The following RABEP1 variants were observed in gnomAD, a reference collection of about 807,000 sequenced individuals.
The protein encoded by RABEP1 is rab GTPase-binding effector protein 1.
A neutral mutation model predicts 123.4 loss-of-function variants in RABEP1; 51 were observed. That is an observed-to-expected ratio of 0.41 (90% CI 0.33 to 0.52). The LOEUF is 0.52. RABEP1 is among the 20% of genes least tolerant of loss of function. RABEP1 has a pLI of 0.16. For missense variants in RABEP1, 888 were observed against 996.3 expected, an observed-to-expected ratio of 0.89 and a Z score of 1.46; for synonymous variants, 347 against 355.2, an observed-to-expected ratio of 0.98 and a Z score of 0.26.
chr17:5,284,978 A>T (rs1051946262), intron 1 of RABEP1, among the ~76,000 whole-genome samples: 14 of 148,542 alleles, frequency 9.4e-5, no homozygotes, highest in African/African-American at 3.2e-4. Context: ...TGACTTTTTA[A>T]AAAAAAAAAA....
intron 10 of RABEP1, among the ~76,000 whole-genome samples, chr17:5,364,842 A>G (rs1289476583): frequency 1.3e-5 from 2 of 152,174 alleles, no homozygotes; most frequent in Non-Finnish European, 2.9e-5. Flanking sequence ...GACAGAGGAT[A>G]CACTCTAGTT....
rs1439487145 is a variant in RABEP1, at chr17:5,322,331, A to G, written c.164-9618A>G. 2.0e-5 allele frequency among the ~76,000 whole-genome samples: 3 copies of G among 152,086 alleles called. No homozygotes were observed. The East Asian group carries it at 5.8e-4, about 29-fold the overall frequency. ...TATGATTGTGCCACTCTGCATGCCA[A>G]GTCTGGGTGACAGTGAAACTGTCTC... is the stretch of plus-strand genomic sequence containing the variant. On this transcript the variant is annotated intron_variant, in intron 2 of 17. Coordinates refer to ENST00000537505, the MANE Select transcript of RABEP1 (RefSeq NM_004703.6).
intron 2 of RABEP1, among the ~76,000 whole-genome samples, chr17:5,311,655 C>A (rs1438148546): frequency 7.4e-6 from 1 of 134,466 alleles, no homozygotes; most frequent in East Asian, 2.2e-4. Context: ...GAGATTGTGC[C>A]ACTGCACTCC....
chr17:5,361,210 G>A lies in RABEP1; in HGVS notation c.1098G>A (p.Glu366=). The change falls in exon 9 of 18, where the codon GAG becomes GAA. Residue 366 remains glutamate (E), a splice_region_variant and synonymous_variant. Transcript: ENST00000537505. ...ESSAQLSNEE[E]HLDSTRGSVH... is the part of the protein sequence containing the mutation. The stretch of plus-strand genomic sequence containing the variant: ...CCATATGTATTTTCACATTTCAGGA[G>A]CATTTAGACAGCACCCGTGGCTCAG... 4 of 1,610,206 alleles carry A rather than the reference G, an allele frequency of 2.5e-6. No homozygotes were observed. The highest frequency in any genetic ancestry group is 1.7e-6 in the Non-Finnish European group (2 of 1,177,772).
intron 5 of RABEP1, among the ~76,000 whole-genome samples, chr17:5,342,775 G>C (rs1265241720): frequency 6.6e-6 from 1 of 152,150 alleles, no homozygotes; most frequent in Non-Finnish European, 1.5e-5. Context: ...GACAAGATGA[G>C]GAGACTTGGC....
intron 2 of RABEP1, among the ~76,000 whole-genome samples, chr17:5,326,745 T>C (rs536580169): frequency 8.7e-4 from 133 of 152,222 alleles, no homozygotes; most frequent in Admixed American, 2.0e-3. Flanking sequence ...GTGGGGCATA[T>C]GGGAAACCTC....
intron 11 of RABEP1, 79 bp downstream of exon 11, chr17:5,365,317 G>T: frequency 2.1e-6 from 2 of 937,852 alleles, no homozygotes; most frequent in Non-Finnish European, 3.0e-6. Flanking sequence ...ATATAGTCAT[G>T]TTTTTTTTTG....
At chr17:5,294,654 T>C (rs2075064734) in intron 1 of RABEP1, among the ~76,000 whole-genome samples, 1 of 79,982 alleles carries the variant, frequency 1.3e-5, no homozygotes. Context: ...TTTTTTTTTT[T>C]TTTTTTTTTT....
chr17:5,302,243 C>CTTTTTTTTTT (rs1567869348), intron 1 of RABEP1, among the ~76,000 whole-genome samples: 1 of 21,564 alleles, frequency 4.6e-5, no homozygotes, highest in African/African-American at 3.0e-4. Context: ...TTACTGAAAA[C>CTTTTTTTTTT]ATTTTTTTTT....
chr17:5,285,155 AT>A (rs1454542952), intron 1 of RABEP1, among the ~76,000 whole-genome samples: 4 of 152,140 alleles, frequency 2.6e-5, no homozygotes, highest in Non-Finnish European at 4.4e-5. Context: ...AATACAGGTA[AT>A]TTTAATAGTT....
At chr17:5,344,830 G>A (rs1327132760) in intron 5 of RABEP1, among the ~76,000 whole-genome samples, 3 of 148,808 alleles carry the variant, frequency 2.0e-5, no homozygotes, top group Non-Finnish European at 3.0e-5. Flanking sequence ...GGTGGCGCAT[G>A]CCTGTAATTC....
At position 5,368,531 on chromosome 17, in the gene RABEP1, T is replaced by C. The variant is rs1282711046; in HGVS notation, c.1884+63T>C. The C allele has an allele frequency of 1.0e-5, 12 of 1,174,512 alleles. No individual in the cohort carries two copies. The East Asian group carries it at 2.1e-4, about 21-fold the overall frequency. The allele number at this position is 1,174,512 out of a possible 1,614,324, so 72.8% of individuals were successfully genotyped here. On this transcript the variant is annotated intron_variant, in intron 12 of 17. Coordinates refer to ENST00000537505, the MANE Select transcript of RABEP1 (RefSeq NM_004703.6). Reference sequence around the variant, plus strand: ...TATATATTCCTTTTTTGTTCTATCTTGACATCATCTTTGATAGGAATTTAT... The same window carrying C: ...TATATATTCCTTTTTTGTTCTATCTCGACATCATCTTTGATAGGAATTTAT...
intron 2 of RABEP1, among the ~76,000 whole-genome samples, chr17:5,319,327 C>CAAAAAAAA (rs200353804): frequency 8.7e-6 from 1 of 114,698 alleles, no homozygotes; most frequent in Non-Finnish European, 1.7e-5. Flanking sequence ...GACTCTGTCT[C>CAAAAAAAA]AAAAAAAAAA....
intron 2 of RABEP1, among the ~76,000 whole-genome samples, chr17:5,325,749 G>A (rs535607786): frequency 8.6e-4 from 131 of 152,028 alleles, no homozygotes; most frequent in African/African-American, 3.0e-3. Flanking sequence ...TATTTAGGGT[G>A]ATAGATACCC....
chr17:5,368,275 G>A, intron 11 of RABEP1, 95 bp from the exon 12 acceptor site: 1 of 850,764 alleles, frequency 1.2e-6, no homozygotes, highest in Non-Finnish European at 1.9e-6. Flanking sequence ...CAAATAAAAT[G>A]TCAATTCCAG....
In RABEP1 at chr17:5,322,944, T is replaced by C. The variant is rs188994819; in HGVS notation, c.164-9005T>C. 5.6e-4 allele frequency among the ~76,000 whole-genome samples: 85 copies of C among 152,172 alleles called. No individual in the cohort carries two copies. In the South Asian group the frequency reaches 9.8e-3, roughly 17 times the overall value. Reference sequence around the variant, plus strand: ...TCAAAAAATTAGCCGGGCATGGTGGTGCACACCTGCAATCCCAGCTACTCT... The same window carrying C: ...TCAAAAAATTAGCCGGGCATGGTGGCGCACACCTGCAATCCCAGCTACTCT... On this transcript the variant is annotated intron_variant, in intron 2 of 17. Coordinates refer to ENST00000537505, the MANE Select transcript of RABEP1 (RefSeq NM_004703.6).
At chr17:5,320,933 T>A (rs1201392867) in intron 2 of RABEP1, among the ~76,000 whole-genome samples, 4 of 152,180 alleles carry the variant, frequency 2.6e-5, no homozygotes, top group Non-Finnish European at 5.9e-5. Flanking sequence ...CAACACTGAA[T>A]GTATATGGAC....
Position 5,386,204 on chromosome 17 carries a change from T to C in RABEP1, c.*2981T>C. 6.2e-7 allele frequency: 1 copy of C among 1,612,136 alleles called. No homozygotes were observed. The highest frequency in any genetic ancestry group is 2.2e-5 in the East Asian group (1 of 44,832). ...TCAGGTGTGAGTCAGCTCCTGGTGG[T>C]GTCAGAAGTTTACATGATTGCGGAT... On this transcript the variant is annotated 3_prime_UTR_variant, in exon 18 of 18. Transcript: ENST00000537505.
At position 5,294,633 on chromosome 17, in the gene RABEP1, C is replaced by CTT. The variant is rs1185209680; in HGVS notation, c.34+12144_34+12145dup. 8.5e-4 allele frequency among the ~76,000 whole-genome samples: 45 copies of CTT among 53,016 alleles called. 5 individuals are homozygous for CTT. Among genetic ancestry groups the CTT allele is most frequent in the African/African-American group, 1.2e-3 (18 of 15,184 alleles). 34.8% of individuals were successfully genotyped at this position (53,016 alleles called of 152,430 possible). On this transcript the variant is annotated intron_variant, in intron 1 of 17. Transcript: ENST00000537505. ...AGATACTGAGGGAAAACGGTATTGT[C>CTT]TTTTTTTTTTTTTTTTTTTTTTTTT...
Sources: gnomAD v4.1 joint callset for allele counts (sites outside exome capture counted in the v4.1 genomes callset) on GRCh38, gnomAD v4.1.1 for gene constraint, MANE v1.5 for transcripts, NCBI Gene and HGNC (gene_info 2026-07-23, HGNC 2026-07-21) for gene names.